Variants in LNPK observed in about 807,000 individuals in gnomAD.
LNPK encodes lunapark, ER junction formation factor.
Under a neutral mutation model 55.2 loss-of-function variants are expected in LNPK, and 29 were observed. The ratio of observed to expected loss-of-function variants is 0.53; its 90% confidence interval spans 0.39 to 0.72. LNPK has a LOEUF of 0.72. LNPK is among the 30% of genes least tolerant of loss of function. The probability of loss-of-function intolerance (pLI) is 0.00; values close to 1 mark genes in which losing one functional copy is unlikely to be tolerated. For missense variants in LNPK, 467 were observed against 494.8 expected, an observed-to-expected ratio of 0.94 and a Z score of 0.53; for synonymous variants, 162 against 168.2, an observed-to-expected ratio of 0.96 and a Z score of 0.29.
At chr2:175,973,823 T>C (rs961684712) in intron 5 of LNPK, among the ~76,000 whole-genome samples, 10 of 152,220 alleles carry the variant, frequency 6.6e-5, no homozygotes, top group Admixed American at 3.3e-4. Flanking sequence ...ATGTTTGTTT[T>C]TCTGAATTTT....
chr2:175,955,544 G>T (rs775542840), intron 8 of LNPK, among the ~76,000 whole-genome samples: 23 of 152,096 alleles, frequency 1.5e-4, no homozygotes, highest in Admixed American at 3.9e-4. Flanking sequence ...CTAAACAATT[G>T]TAACAGTATG....
intron 8 of LNPK, among the ~76,000 whole-genome samples, chr2:175,957,495 A>C (rs977060667): frequency 2.6e-5 from 4 of 151,702 alleles, no homozygotes; most frequent in Admixed American, 2.0e-4. Context: ...ACTAGATCAC[A>C]TCCCCTCTTG....
At chr2:175,933,415 G>C (rs376076854) in intron 12 of LNPK, among the ~76,000 whole-genome samples, 8 of 152,152 alleles carry the variant, frequency 5.3e-5, no homozygotes, top group African/African-American at 1.9e-4. Flanking sequence ...TTTTTGCCTT[G>C]CTAACACATC....
Position 175,959,107 on chromosome 2 carries a change from T to G in LNPK, c.493+5265A>C, listed in dbSNP as rs565329238. 4.6e-5 allele frequency among the ~76,000 whole-genome samples: 7 copies of G among 152,144 alleles called. No homozygotes were observed. The South Asian group carries it at 1.5e-3, about 32-fold the overall frequency. ...TACGTTTCATTGGTGTACCTGAAAG[T>G]GATGGGGAGGATGGAACCAAGCTGG... On this transcript the variant is annotated intron_variant, in intron 8 of 12. Coordinates refer to ENST00000272748, the MANE Select transcript of LNPK (RefSeq NM_030650.3).
At chr2:175,987,039 T>C (rs1687451083) in intron 4 of LNPK, among the ~76,000 whole-genome samples, 1 of 150,004 alleles carries the variant, frequency 6.7e-6, no homozygotes, top group Admixed American at 6.6e-5. Flanking sequence ...GATTATATGA[T>C]TGCATACTTG....
intron 5 of LNPK, among the ~76,000 whole-genome samples, chr2:175,979,470 A>G (rs1687068772): frequency 6.6e-6 from 1 of 152,108 alleles, no homozygotes; most frequent in African/African-American, 2.4e-5. Context: ...GAGGCACAAG[A>G]ATCACTTGAC....
chr2:175,924,265 C>T lies in LNPK; in HGVS notation c.*5702G>A, dbSNP rs1426815648. 1.3e-5 allele frequency: 2 copies of T among 152,186 alleles called. No individual in the cohort carries two copies. Among genetic ancestry groups the T allele is most frequent in the East Asian group, 1.9e-4 (1 of 5,202 alleles). The allele number at this position is 152,186 out of a possible 1,614,324, so 9.4% of individuals were successfully genotyped here. A position where few individuals can be genotyped will look rare whatever the true frequency, so the allele number is the denominator to read the frequency against. ...TTCTAGAGTAGCTAGTCTCCATGAC[C>T]ATTTCAAAATAGCTATTCATAATTC... On this transcript the variant is annotated 3_prime_UTR_variant, in exon 13 of 13. Coordinates refer to ENST00000272748, the MANE Select transcript of LNPK (RefSeq NM_030650.3).
In LNPK at chr2:175,995,587, T is replaced by G; in HGVS notation, c.-3A>C. On this transcript the variant is annotated 5_prime_UTR_variant, in exon 2 of 13. Coordinates refer to ENST00000272748, the MANE Select transcript of LNPK (RefSeq NM_030650.3). Reference sequence around the variant, plus strand: ...CATCGAGAAAATAATCCACCCATCTTTTATTTGTAGAAACTGGGCACAATG... The same window carrying G: ...CATCGAGAAAATAATCCACCCATCTGTTATTTGTAGAAACTGGGCACAATG... 1 of 1,609,864 alleles carries G rather than the reference T, an allele frequency of 6.2e-7. No individual in the cohort carries two copies. Among genetic ancestry groups the G allele is most frequent in the Middle Eastern group, 1.7e-4 (1 of 6,056 alleles).
chr2:175,968,815 T>C (rs934505272), intron 6 of LNPK, among the ~76,000 whole-genome samples: 4 of 152,118 alleles, frequency 2.6e-5, no homozygotes, highest in African/African-American at 9.7e-5. Flanking sequence ...AAATATCAAG[T>C]AGTGACCAGC....
intron 4 of LNPK, among the ~76,000 whole-genome samples, chr2:175,987,514 G>GCC (rs2105706106): frequency 6.6e-6 from 1 of 152,138 alleles, no homozygotes; most frequent in South Asian, 2.1e-4. Flanking sequence ...CACACACCAG[G>GCC]GCCTGTTGTG....
intron 5 of LNPK, among the ~76,000 whole-genome samples, chr2:175,977,516 C>T (rs942809909): frequency 6.6e-6 from 1 of 151,582 alleles, no homozygotes; most frequent in Admixed American, 6.6e-5. Context: ...AAAAAGAAAT[C>T]ACCAGTGAAG....
intron 4 of LNPK, among the ~76,000 whole-genome samples, chr2:175,987,704 T>C (rs1373360087): frequency 6.6e-6 from 1 of 152,028 alleles, no homozygotes; most frequent in Non-Finnish European, 1.5e-5. Context: ...CATTCCTATA[T>C]ACAATCAGTT....
intron 8 of LNPK, among the ~76,000 whole-genome samples, chr2:175,963,485 C>T (rs1422059823): frequency 2.0e-5 from 3 of 152,018 alleles, no homozygotes; most frequent in Non-Finnish European, 4.4e-5. Context: ...TATTCTCACT[C>T]ATAGATGGGA....
chr2:175,988,115 T>C (rs543735844), intron 4 of LNPK, among the ~76,000 whole-genome samples: 1 of 152,362 alleles, frequency 6.6e-6, no homozygotes, highest in South Asian at 2.1e-4. Flanking sequence ...TTTCACCCTT[T>C]CTGCCAAACT....
chr2:175,993,266 A>C lies in LNPK; in HGVS notation c.28-43T>G, dbSNP rs761428980. 3 of 1,195,248 alleles carry C rather than the reference A, an allele frequency of 2.5e-6. No individual in the cohort carries two copies. In the South Asian group the frequency reaches 4.9e-5, roughly 20 times the overall value. The allele number at this position is 1,195,248 out of a possible 1,614,324, so 74.0% of individuals were successfully genotyped here. On this transcript the variant is annotated intron_variant, in intron 2 of 12. Transcript: ENST00000272748. The stretch of plus-strand genomic sequence containing the variant: ...ACAAGAGACAGCATTAAAACTTATC[A>C]CAAACCTTTACATTTTGATATAATC...
intron 2 of LNPK, among the ~76,000 whole-genome samples, chr2:175,995,082 C>G (rs184441084): frequency 1.0e-3 from 155 of 151,974 alleles, no homozygotes; most frequent in African/African-American, 3.3e-3. Flanking sequence ...ACACTACGCC[C>G]AGCTAATTTT....
At chr2:175,945,132 C>G (rs1023858073) in intron 9 of LNPK, among the ~76,000 whole-genome samples, 2 of 151,684 alleles carry the variant, frequency 1.3e-5, no homozygotes, top group African/African-American at 2.4e-5. Flanking sequence ...CTCCTGACCT[C>G]AGGTGATCTG....
rs1686485317 is a variant in LNPK, at chr2:175,968,547, A to G, written c.357+2217T>C. Among the ~76,000 whole-genome samples, 3 of 152,232 alleles carry G rather than the reference A, an allele frequency of 2.0e-5. No homozygotes were observed. The South Asian group carries it at 6.2e-4, about 31-fold the overall frequency. On this transcript the variant is annotated intron_variant, in intron 6 of 12. Coordinates refer to ENST00000272748, the MANE Select transcript of LNPK (RefSeq NM_030650.3). ...AACTCAAGTTTTGTTAAAGGGCCAC[A>G]AAATACGTGAATGGTAAAATGCACA... is the stretch of plus-strand genomic sequence containing the variant.
intron 4 of LNPK, among the ~76,000 whole-genome samples, chr2:175,981,795 T>A (rs919215387): frequency 2.0e-5 from 3 of 152,176 alleles, no homozygotes; most frequent in Non-Finnish European, 4.4e-5. Flanking sequence ...ACAGCTTAAC[T>A]GCAATTTACC....
Sources: allele counts gnomAD v4.1 joint callset (sites outside exome capture counted in the v4.1 genomes callset), GRCh38; gene constraint gnomAD v4.1.1; transcripts MANE v1.5; gene names NCBI Gene and HGNC (gene_info 2026-07-23, HGNC 2026-07-21).